SCRN1: variants seen among roughly 807,000 people sequenced by gnomAD.
SCRN1 encodes the protein secernin-1.
Under a neutral mutation model 43.3 loss-of-function variants are expected in SCRN1, and 19 were observed. That is an observed-to-expected ratio of 0.44 (90% CI 0.31 to 0.64). The LOEUF is 0.64. Among genes scored for constraint, SCRN1 ranks in the 30% least tolerant of loss-of-function variants. The pLI is 0.09. For synonymous variants in SCRN1, 183 were observed against 188.9 expected (o/e 0.97, Z 0.26); for missense variants, 447 against 524.1 (o/e 0.85, Z 1.44).
chr7:29,925,997 C>A (rs1221346257), intron 7 of SCRN1, among the ~76,000 whole-genome samples: 3 of 152,046 alleles, frequency 2.0e-5, no homozygotes, highest in African/African-American at 7.2e-5. Context: ...AGCTCATTCA[C>A]AATGTTGTGC....
At chr7:29,980,886 G>C (rs2127931374) in intron 1 of SCRN1, among the ~76,000 whole-genome samples, 1 of 152,162 alleles carries the variant, frequency 6.6e-6, no homozygotes, top group Admixed American at 6.5e-5. Context: ...TATAAGTATA[G>C]GTAGGTAGAT....
At chr7:29,929,509 T>C (rs1180246572) in intron 6 of SCRN1, among the ~76,000 whole-genome samples, 8 of 152,180 alleles carry the variant, frequency 5.3e-5, no homozygotes, top group African/African-American at 1.9e-4. Flanking sequence ...TTACTGCGCA[T>C]CTCAGGACTC....
At chr7:29,958,056 A>G (rs1201077827) in intron 2 of SCRN1, among the ~76,000 whole-genome samples, 1 of 152,226 alleles carries the variant, frequency 6.6e-6, no homozygotes. Flanking sequence ...GGGATCCCCA[A>G]GTAGCCAGAT....
chr7:29,941,164 G>A (rs1787532587), intron 4 of SCRN1, among the ~76,000 whole-genome samples: 1 of 152,102 alleles, frequency 6.6e-6, no homozygotes, highest in Non-Finnish European at 1.5e-5. Flanking sequence ...TCTTCATTTT[G>A]GCTAAATAAG....
intron 6 of SCRN1, 41 bp from the exon 7 acceptor site, chr7:29,926,673 G>A: frequency 6.3e-7 from 1 of 1,587,462 alleles, no homozygotes; most frequent in Non-Finnish European, 8.6e-7. Flanking sequence ...GCAGAGGCTG[G>A]GACCCGGGAA....
intron 6 of SCRN1, among the ~76,000 whole-genome samples, chr7:29,931,160 G>A (rs1244535727): frequency 2.6e-5 from 4 of 152,166 alleles, no homozygotes; most frequent in Non-Finnish European, 4.4e-5. Flanking sequence ...GATGCAGCAT[G>A]CCAATGCAAA....
intron 1 of SCRN1, among the ~76,000 whole-genome samples, chr7:29,976,843 C>T (rs1397233390): frequency 1.3e-5 from 2 of 152,244 alleles, no homozygotes; most frequent in African/African-American, 4.8e-5. Flanking sequence ...TGACTGGTGG[C>T]AGGAGGCCCA....
chr7:29,985,481 T>G (rs1789120585), intron 1 of SCRN1, among the ~76,000 whole-genome samples: 1 of 152,134 alleles, frequency 6.6e-6, no homozygotes, highest in Admixed American at 6.5e-5. Context: ...AAACTCCTAA[T>G]TAGAGGTGGG....
intron 2 of SCRN1, among the ~76,000 whole-genome samples, chr7:29,967,291 G>A (rs550592046): frequency 2.0e-5 from 3 of 151,872 alleles, no homozygotes; most frequent in South Asian, 4.1e-4. Context: ...ACATAAATAA[G>A]TGATTATCTC....
intron 4 of SCRN1, among the ~76,000 whole-genome samples, chr7:29,941,873 T>C (rs1787568671): frequency 6.6e-6 from 1 of 152,232 alleles, no homozygotes; most frequent in Non-Finnish European, 1.5e-5. Context: ...CATTCCTATT[T>C]GCTGCTTCCA....
At chr7:29,938,790 A>G (rs991299324) in intron 5 of SCRN1, among the ~76,000 whole-genome samples, 2 of 152,196 alleles carry the variant, frequency 1.3e-5, no homozygotes, top group African/African-American at 4.8e-5. Flanking sequence ...ACATGGGTAA[A>G]TCTATGTTCA....
chr7:29,944,357 A>C (rs1297389555), intron 3 of SCRN1, among the ~76,000 whole-genome samples, 178 bp from the exon 4 acceptor site: 1 of 152,216 alleles, frequency 6.6e-6, no homozygotes, highest in East Asian at 1.9e-4. Flanking sequence ...CACACTTCTC[A>C]CATGTTTGCT....
chr7:29,977,587 T>C (rs147575256), intron 1 of SCRN1, among the ~76,000 whole-genome samples: 74 of 152,334 alleles, frequency 4.9e-4, no homozygotes, highest in African/African-American at 1.6e-3. Context: ...TTTTACTAAG[T>C]GTTTCATTGA....
chr7:29,960,146 C>T lies in SCRN1; in HGVS notation c.160-4786G>A, dbSNP rs907928991. On this transcript the variant is annotated intron_variant, in intron 2 of 7. Transcript: ENST00000242059. ...TTTCAGAATTAAAATTCAGCTCCCCCGACTCCCGCAACATACACACACCCC... is the reference window on the plus strand; with the variant it reads ...TTTCAGAATTAAAATTCAGCTCCCCTGACTCCCGCAACATACACACACCCC... 1.4e-4 allele frequency among the ~76,000 whole-genome samples: 21 copies of T among 152,136 alleles called. No homozygotes were observed. The East Asian group carries it at 3.9e-3, about 28-fold the overall frequency.
intron 6 of SCRN1, among the ~76,000 whole-genome samples, chr7:29,931,604 A>G (rs77927179): frequency 0.058 from 8,804 of 152,246 alleles, 313 homozygotes; most frequent in African/African-American, 0.098. Flanking sequence ...AATACTTTTT[A>G]TGCTTTAGAA....
intron 1 of SCRN1, among the ~76,000 whole-genome samples, chr7:29,971,947 C>T (rs1274158396): frequency 6.6e-6 from 1 of 152,186 alleles, no homozygotes; most frequent in Non-Finnish European, 1.5e-5. Flanking sequence ...AAATAATTCC[C>T]TTCTAGCTCA....
intron 1 of SCRN1, among the ~76,000 whole-genome samples, chr7:29,981,182 TAA>T (rs751324832): frequency 5.3e-5 from 7 of 132,872 alleles, no homozygotes; most frequent in African/African-American, 1.1e-4. Flanking sequence ...CTAAGTGCAA[TAA>T]AAAAAAAAAA....
chr7:29,963,496 C>T (rs1423973231), intron 2 of SCRN1, among the ~76,000 whole-genome samples: 1 of 152,164 alleles, frequency 6.6e-6, no homozygotes, highest in Non-Finnish European at 1.5e-5. Context: ...AAAAGGCAAG[C>T]AGTTCAGTGT....
chr7:29,933,086 G>A (rs1340878306), intron 6 of SCRN1, among the ~76,000 whole-genome samples: 3 of 151,942 alleles, frequency 2.0e-5, no homozygotes, highest in East Asian at 3.9e-4. Context: ...CGCCATGTTG[G>A]CCAGGCTGGT....
Sources: gnomAD v4.1 joint callset for allele counts (sites outside exome capture counted in the v4.1 genomes callset) on GRCh38, gnomAD v4.1.1 for gene constraint, MANE v1.5 for transcripts, NCBI Gene and HGNC (gene_info 2026-07-23, HGNC 2026-07-21) for gene names.